Variants in CABLES1 observed in about 807,000 individuals in gnomAD.
CABLES1 encodes Cdk5 and Abl enzyme substrate 1.
In CABLES1, 36 loss-of-function variants were observed where a neutral mutation model predicts 57.8. That is an observed-to-expected ratio of 0.62 (90% CI 0.48 to 0.82). CABLES1 has a LOEUF of 0.82. Ranked by LOEUF, CABLES1 falls within the 40% of genes least tolerant of loss-of-function variation. CABLES1 has a pLI of 0.00. For synonymous variants in CABLES1, 374 were observed against 363.0 expected (o/e 1.03, Z -0.35); for missense variants, 767 against 836.6 (o/e 0.92, Z 1.03).
Position 23,166,702 on chromosome 18 carries a change from A to G in CABLES1, c.846-22136A>G, listed in dbSNP as rs112220062. Reference sequence around the variant, plus strand: ...TCAGTTATAATTTTTTGTGCCGTATATATACATATTTAGTGTTCTTAAAAT... The same window carrying G: ...TCAGTTATAATTTTTTGTGCCGTATGTATACATATTTAGTGTTCTTAAAAT... On this transcript the variant is annotated intron_variant, in intron 1 of 9. Transcript: ENST00000256925. 1.7e-3 allele frequency among the ~76,000 whole-genome samples: 255 copies of G among 152,318 alleles called. 4 individuals are homozygous for G. Among genetic ancestry groups the G allele is most frequent in the African/African-American group, 5.8e-3 (243 of 41,570 alleles).
At chr18:23,248,545 A>G (rs2047960470) in intron 7 of CABLES1, among the ~76,000 whole-genome samples, 1 of 109,730 alleles carries the variant, frequency 9.1e-6, no homozygotes, top group Non-Finnish European at 2.0e-5. Flanking sequence ...TTTTAAAAAA[A>G]GGCTGGACGT....
intron 1 of CABLES1, among the ~76,000 whole-genome samples, chr18:23,155,046 G>A (rs543117280): frequency 4.8e-4 from 73 of 152,194 alleles, no homozygotes; most frequent in Admixed American, 1.8e-3. Context: ...CAGATCGGAA[G>A]CAATAGGAAC....
At chr18:23,187,692 T>TG (rs2047213038) in intron 1 of CABLES1, among the ~76,000 whole-genome samples, 2 of 152,020 alleles carry the variant, frequency 1.3e-5, no homozygotes, top group African/African-American at 4.8e-5. Flanking sequence ...TGGCCACAAG[T>TG]ATTTTTTTTT....
At chr18:23,195,700 A>G (rs1481123363) in intron 3 of CABLES1, among the ~76,000 whole-genome samples, 2 of 152,204 alleles carry the variant, frequency 1.3e-5, no homozygotes, top group African/African-American at 2.4e-5. Context: ...TTTTAAGTAC[A>G]ATGCTTTTAG....
chr18:23,189,032 G>T (rs2047222807), intron 2 of CABLES1, 123 bp downstream of exon 2: 2 of 642,332 alleles, frequency 3.1e-6, no homozygotes, highest in East Asian at 5.6e-5. Context: ...GAACTCCAGG[G>T]ACTATGGGAC....
chr18:23,222,745 G>A (rs2047498317), intron 4 of CABLES1, among the ~76,000 whole-genome samples: 1 of 151,630 alleles, frequency 6.6e-6, no homozygotes. Flanking sequence ...TCCATAAAAG[G>A]ATGGAGTTGG....
At chr18:23,180,178 C>T (rs1243344684) in intron 1 of CABLES1, among the ~76,000 whole-genome samples, 1 of 152,176 alleles carries the variant, frequency 6.6e-6, no homozygotes, top group Non-Finnish European at 1.5e-5. Context: ...GCCTCAGCCT[C>T]CCAAAGTGCT....
At chr18:23,214,724 T>G (rs561057777) in intron 4 of CABLES1, 12 of 152,346 alleles carry the variant, frequency 7.9e-5, no homozygotes, top group Non-Finnish European at 1.8e-4. Flanking sequence ...CTGCCACCGG[T>G]ATCGAAGTCA....
chr18:23,180,103 A>G (rs1302638336), intron 1 of CABLES1, among the ~76,000 whole-genome samples: 1 of 151,736 alleles, frequency 6.6e-6, no homozygotes, highest in Non-Finnish European at 1.5e-5. Context: ...TTTAATTTTT[A>G]GTAGAGACTG....
At chr18:23,252,192 T>C (rs1167733483) in intron 7 of CABLES1, among the ~76,000 whole-genome samples, 2 of 150,030 alleles carry the variant, frequency 1.3e-5, no homozygotes, top group East Asian at 3.9e-4. Context: ...TAAAGTGGAG[T>C]AGTGGTTGCC....
At chr18:23,201,976 G>A (rs1191568376) in intron 3 of CABLES1, among the ~76,000 whole-genome samples, 1 of 152,332 alleles carries the variant, frequency 6.6e-6, no homozygotes, top group South Asian at 2.1e-4. Flanking sequence ...TCATGGAGAC[G>A]CTGAGGCGGA....
At chr18:23,254,357 G>C (rs1281666114) in intron 9 of CABLES1, among the ~76,000 whole-genome samples, 1 of 152,210 alleles carries the variant, frequency 6.6e-6, no homozygotes, top group Non-Finnish European at 1.5e-5. Context: ...GTTTGACAAG[G>C]TGGTATCTCT....
chr18:23,177,418 T>TACACACAC (rs10692529), intron 1 of CABLES1, among the ~76,000 whole-genome samples: 6,683 of 144,644 alleles, frequency 0.046, 193 homozygotes, highest in East Asian at 0.093. Flanking sequence ...AGCACATGTG[T>TACACACAC]ACACACACAC....
intron 1 of CABLES1, among the ~76,000 whole-genome samples, chr18:23,158,764 G>A (rs2046982301): frequency 1.3e-5 from 2 of 152,176 alleles, no homozygotes; most frequent in Admixed American, 1.3e-4. Flanking sequence ...AACGTGTGAG[G>A]ATTTAAGGAA....
chr18:23,161,917 C>T (rs888215017), intron 1 of CABLES1, among the ~76,000 whole-genome samples: 5 of 150,050 alleles, frequency 3.3e-5, no homozygotes, highest in South Asian at 2.1e-4. Context: ...AGCAAGACTC[C>T]GTCTCAAAAA....
chr18:23,165,368 GAT>G (rs2047035105), intron 1 of CABLES1, among the ~76,000 whole-genome samples: 1 of 152,164 alleles, frequency 6.6e-6, no homozygotes, highest in Non-Finnish European at 1.5e-5. Flanking sequence ...AAAGCACTGA[GAT>G]TACAAGGTGT....
At chr18:23,185,532 T>C (rs948037318) in intron 1 of CABLES1, among the ~76,000 whole-genome samples, 2 of 152,138 alleles carry the variant, frequency 1.3e-5, no homozygotes, top group African/African-American at 4.8e-5. Flanking sequence ...AACCTGCCTG[T>C]CTGGGCTCTG....
chr18:23,221,212 T>C (rs1271649369), intron 4 of CABLES1, among the ~76,000 whole-genome samples: 3 of 152,264 alleles, frequency 2.0e-5, no homozygotes, highest in African/African-American at 7.2e-5. Flanking sequence ...CACAAAAGGA[T>C]TTGTGGCAGG....
chr18:23,174,679 A>T (rs11664117), intron 1 of CABLES1, among the ~76,000 whole-genome samples: 4 of 151,392 alleles, frequency 2.6e-5, no homozygotes, highest in Non-Finnish European at 5.9e-5. Context: ...TCACCATGTT[A>T]GCCAGGATGG....
Sources: gnomAD v4.1 joint callset for allele counts (sites outside exome capture counted in the v4.1 genomes callset) on GRCh38, gnomAD v4.1.1 for gene constraint, MANE v1.5 for transcripts, NCBI Gene and HGNC (gene_info 2026-07-23, HGNC 2026-07-21) for gene names.